PTPRD: variants seen among roughly 807,000 people sequenced by gnomAD.
PTPRD encodes protein tyrosine phosphatase receptor type D.
A neutral mutation model predicts 214.5 loss-of-function variants in PTPRD; 34 were observed. The observed-to-expected ratio is 0.16, with a 90% CI of 0.12 to 0.21. The LOEUF (loss-of-function observed/expected upper bound fraction) is 0.21. Ranked by LOEUF, PTPRD falls within the 10% of genes least tolerant of loss-of-function variation. The pLI is 1.00. For missense variants in PTPRD, 2,545 were observed against 2,398.7 expected, an observed-to-expected ratio of 1.06 and a Z score of -1.27; for synonymous variants, 1,128 against 845.7, an observed-to-expected ratio of 1.33 and a Z score of -5.79.
chr9:9,881,562 A>G (rs531859044), intron 5 of PTPRD, among the ~76,000 whole-genome samples: 4 of 152,268 alleles, frequency 2.6e-5, no homozygotes, highest in African/African-American at 9.6e-5. Flanking sequence ...TGATTATGTA[A>G]AGAACTCCCA....
At chr9:9,074,516 T>C (rs944603925) in intron 10 of PTPRD, among the ~76,000 whole-genome samples, 2 of 152,040 alleles carry the variant, frequency 1.3e-5, no homozygotes, top group Admixed American at 6.6e-5. Flanking sequence ...ACCTTATGTT[T>C]TATGGATTTG....
At chr9:9,549,509 A>G (rs1469146119) in intron 8 of PTPRD, among the ~76,000 whole-genome samples, 2 of 152,154 alleles carry the variant, frequency 1.3e-5, no homozygotes, top group African/African-American at 2.4e-5. Context: ...GATAGTCAAC[A>G]AGACTGATCT....
intron 2 of PTPRD, among the ~76,000 whole-genome samples, chr9:10,466,359 G>A (rs749803978): frequency 6.6e-6 from 1 of 152,000 alleles, no homozygotes; most frequent in Non-Finnish European, 1.5e-5. Context: ...TGCGGTGGCT[G>A]ATGCCTGTAA....
chr9:10,384,609 T>G (rs1390645818), intron 2 of PTPRD, among the ~76,000 whole-genome samples: 2 of 151,494 alleles, frequency 1.3e-5, no homozygotes, highest in African/African-American at 4.8e-5. Context: ...ACAAAACTTG[T>G]GAAAAAATAA....
At position 8,557,471 on chromosome 9, in the gene PTPRD, G is replaced by A. The variant is rs528755176; in HGVS notation, c.353-28692C>T. Among the ~76,000 whole-genome samples the A allele has an allele frequency of 1.4e-4, 18 of 130,464 alleles. 1 individual carries two copies. Among genetic ancestry groups the A allele is most frequent in the South Asian group, 6.4e-4 (3 of 4,666 alleles). 85.6% of individuals were successfully genotyped at this position (130,464 alleles called of 152,430 possible). On this transcript the variant is annotated intron_variant, in intron 14 of 45. Coordinates refer to ENST00000381196, the MANE Select transcript of PTPRD (RefSeq NM_002839.4). ...ATATATATATATTTGGGCCGGGCGC[G>A]GTGGCTCATCCCCGTAATCCCAGCA...
chr9:9,547,796 T>TCA (rs35772205), intron 8 of PTPRD, among the ~76,000 whole-genome samples: 9,765 of 142,422 alleles, frequency 0.069, 521 homozygotes, highest in African/African-American at 0.15. Context: ...AAACACAAAT[T>TCA]CACACACACA....
At chr9:9,071,993 C>A (rs1467764354) in intron 10 of PTPRD, among the ~76,000 whole-genome samples, 2 of 152,144 alleles carry the variant, frequency 1.3e-5, no homozygotes, top group African/African-American at 4.8e-5. Context: ...CCTTCCTCAT[C>A]ACTGCACAGT....
At chr9:10,510,422 CTG>C (rs1208426535) in intron 2 of PTPRD, among the ~76,000 whole-genome samples, 12 of 152,240 alleles carry the variant, frequency 7.9e-5, no homozygotes, top group Admixed American at 3.3e-4. Flanking sequence ...AGAAATTTCA[CTG>C]TGTTATACCT....
At chr9:8,342,127 G>C in intron 39 of PTPRD, 149 bp from the exon 40 acceptor site, 1 of 786,222 alleles carries the variant, frequency 1.3e-6, no homozygotes, top group Non-Finnish European at 1.9e-6. Context: ...ATACTCTAAA[G>C]TCAAAAGTAT....
intron 8 of PTPRD, among the ~76,000 whole-genome samples, chr9:9,496,359 A>G (rs959748799): frequency 6.6e-6 from 1 of 152,186 alleles, no homozygotes; most frequent in Non-Finnish European, 1.5e-5. Flanking sequence ...TCCAGAATCT[A>G]TAGAGAACTC....
intron 43 of PTPRD, among the ~76,000 whole-genome samples, chr9:8,336,824 C>G (rs28780482): frequency 3.3e-5 from 5 of 152,022 alleles, no homozygotes; most frequent in African/African-American, 7.2e-5. Context: ...AAGAAGACAC[C>G]GATGCGGCAG....
At chr9:9,959,888 A>G (rs2094229408) in intron 4 of PTPRD, among the ~76,000 whole-genome samples, 2 of 152,226 alleles carry the variant, frequency 1.3e-5, no homozygotes, top group Non-Finnish European at 2.9e-5. Flanking sequence ...CATATTTAGC[A>G]TAATATATAG....
chr9:9,899,137 C>T (rs1190148259), intron 5 of PTPRD, among the ~76,000 whole-genome samples: 2 of 151,984 alleles, frequency 1.3e-5, no homozygotes, highest in Admixed American at 1.3e-4. Context: ...ATAACTTTTA[C>T]TATAGTATAC....
intron 36 of PTPRD, among the ~76,000 whole-genome samples, chr9:8,392,487 C>T (rs2089934822): frequency 6.6e-6 from 1 of 152,070 alleles, no homozygotes; most frequent in Non-Finnish European, 1.5e-5. Flanking sequence ...AATTGCACCA[C>T]CACACTTCAT....
At chr9:9,334,089 C>T (rs1239561305) in intron 9 of PTPRD, among the ~76,000 whole-genome samples, 6 of 151,794 alleles carry the variant, frequency 4.0e-5, no homozygotes, top group Middle Eastern at 6.8e-3. Context: ...TGTATATGCC[C>T]GTAATGTATA....
chr9:9,217,136 C>T (rs2099952810), intron 9 of PTPRD, among the ~76,000 whole-genome samples: 1 of 152,006 alleles, frequency 6.6e-6, no homozygotes. Flanking sequence ...CACTGGGAGG[C>T]TGTAGGGCTG....
intron 3 of PTPRD, among the ~76,000 whole-genome samples, chr9:10,078,144 A>T (rs35829989): frequency 6.6e-6 from 1 of 151,772 alleles, no homozygotes; most frequent in Non-Finnish European, 1.5e-5. Flanking sequence ...ATCTTTAAAC[A>T]TACATACATT....
intron 9 of PTPRD, among the ~76,000 whole-genome samples, chr9:9,292,093 A>C (rs1053894388): frequency 6.6e-6 from 1 of 151,352 alleles, no homozygotes; most frequent in Non-Finnish European, 1.5e-5. Context: ...TGTATTATCT[A>C]TGAGACGAGG....
chr9:9,524,776 G>A (rs1479582600), intron 8 of PTPRD, among the ~76,000 whole-genome samples: 1 of 152,158 alleles, frequency 6.6e-6, no homozygotes. Context: ...TGCAGGCTGT[G>A]CATAGAACTT....
Sources: gnomAD v4.1 joint callset for allele counts (sites outside exome capture counted in the v4.1 genomes callset) on GRCh38, gnomAD v4.1.1 for gene constraint, MANE v1.5 for transcripts, NCBI Gene and HGNC (gene_info 2026-07-23, HGNC 2026-07-21) for gene names.